Variants in FANCA observed in about 807,000 individuals in gnomAD.
FANCA encodes the protein Fanconi anemia group A protein.
FANCA carries 236 observed loss-of-function variants against 194.3 expected under a neutral mutation model. The observed-to-expected ratio is 1.21, with a 90% CI of 1.09 to 1.35. The LOEUF (loss-of-function observed/expected upper bound fraction) is 1.35. Ranked by LOEUF, FANCA falls within the 40% of genes most tolerant of loss-of-function variation. The pLI is 0.00. For missense variants in FANCA, 2,628 were observed against 1,813.9 expected (o/e 1.45, Z -8.15); for synonymous variants, 1,014 against 715.8 (o/e 1.42, Z -6.65).
At chr16:89,782,616 G>A (rs992583141) in intron 17 of FANCA, among the ~76,000 whole-genome samples, 6 of 152,150 alleles carry the variant, frequency 3.9e-5, no homozygotes, top group Admixed American at 2.6e-4. Context: ...AAGGACAAAT[G>A]TCCTGCAGCC....
chr16:89,812,655 A>AAAC (rs751030971), intron 3 of FANCA, among the ~76,000 whole-genome samples: 39,853 of 125,180 alleles, frequency 0.32, 6,692 homozygotes, highest in East Asian at 0.65. Flanking sequence ...TCAAAAAAAA[A>AAAC]AAAAAAAAAA....
chr16:89,770,314 T>C (rs1040737674), intron 24 of FANCA, 55 bp from the exon 25 acceptor site: 19 of 1,429,800 alleles, frequency 1.3e-5, no homozygotes, highest in South Asian at 4.9e-5. Context: ...TGCACATCCC[T>C]CCAACAGCTA....
intron 22 of FANCA, among the ~76,000 whole-genome samples, chr16:89,772,025 A>ACG (rs1186346311): frequency 6.6e-6 from 1 of 152,126 alleles, no homozygotes; most frequent in Non-Finnish European, 1.5e-5. Flanking sequence ...ATGGGGCCAG[A>ACG]CGCCATCCAC....
At chr16:89,774,958 G>C (rs2039451483) in intron 21 of FANCA, among the ~76,000 whole-genome samples, 1 of 151,888 alleles carries the variant, frequency 6.6e-6, no homozygotes, top group Non-Finnish European at 1.5e-5. Flanking sequence ...GCAAGGCGTA[G>C]TAGTGCGTGC....
At chr16:89,795,319 T>TA (rs1555564111) in intron 11 of FANCA, among the ~76,000 whole-genome samples, 1 of 149,568 alleles carries the variant, frequency 6.7e-6, no homozygotes, top group Non-Finnish European at 1.5e-5. Context: ...AATAAATAAA[T>TA]AAATAAAATA....
chr16:89,789,869 T>A (rs1405279423), intron 14 of FANCA, among the ~76,000 whole-genome samples: 3 of 151,488 alleles, frequency 2.0e-5, no homozygotes, highest in African/African-American at 7.3e-5. Context: ...GAACTGGGGG[T>A]TTTCACAGGG....
In FANCA at chr16:89,770,103, G is replaced by A. The variant is rs763086114; in HGVS notation, c.2316+63C>T. The A allele has an allele frequency of 5.7e-5, 89 of 1,574,140 alleles. No individual in the cohort carries two copies. In the African/African-American group the frequency reaches 1.0e-3, roughly 18 times the overall value. On this transcript the variant is annotated intron_variant, in intron 25 of 42. Coordinates refer to ENST00000389301, the MANE Select transcript of FANCA (RefSeq NM_000135.4). ...TTCCAGGGCACTGAAGACGAATTGA[G>A]AAGTAGCAGCCTGGCCCTCAGAGTG...
intron 35 of FANCA, among the ~76,000 whole-genome samples, chr16:89,745,913 T>C (rs1013263412): frequency 6.6e-6 from 1 of 152,220 alleles, no homozygotes; most frequent in South Asian, 2.1e-4. Flanking sequence ...TTCTCACGAA[T>C]TCCACCAACT....
Position 89,792,493 on chromosome 16 carries a change from A to T in FANCA, c.1061T>A (p.Leu354Gln). 1.2e-6 allele frequency: 2 copies of T among 1,613,490 alleles called. No individual in the cohort carries two copies. Among genetic ancestry groups the T allele is most frequent in the Admixed American group, 3.3e-5 (2 of 60,014 alleles). ...REWSFARTHPLLTSLYRRLFV... is the reference protein window; with the variant it reads ...REWSFARTHPQLTSLYRRLFV... Reference sequence around the variant, plus strand: ...CACCCTGCGGTACAGTGAGGTGAGCAGAGGGTGTGTCCGCGCAAAGCTCCA... The same window carrying T: ...CACCCTGCGGTACAGTGAGGTGAGCTGAGGGTGTGTCCGCGCAAAGCTCCA... The change falls in exon 12 of 43, where the codon CTG (leucine) becomes CAG (glutamine). Residue 354 changes from leucine (L) to glutamine (Q), a missense_variant. Physicochemically the swap from Leu to Gln is moderately radical, Grantham distance 113. Transcript: ENST00000389301.
chr16:89,796,424 C>T (rs1419886452), intron 10 of FANCA, among the ~76,000 whole-genome samples: 1 of 152,140 alleles, frequency 6.6e-6, no homozygotes, highest in East Asian at 1.9e-4. Context: ...TCGTGCCAAG[C>T]CTGAGAGAAG....
At chr16:89,794,318 G>A (rs1268000017) in intron 11 of FANCA, among the ~76,000 whole-genome samples, 7 of 152,086 alleles carry the variant, frequency 4.6e-5, no homozygotes, top group African/African-American at 1.2e-4. Context: ...TTGGGAGGCC[G>A]AAGTGGGTGG....
chr16:89,808,368 C>T lies in FANCA; in HGVS notation c.523-1G>A. On this transcript the variant is annotated splice_acceptor_variant, in intron 5 of 42. Transcript: ENST00000389301. LOFTEE classifies it high-confidence loss of function. ...ACACCGCTTCAAGCAACAAAGAACT[C>T]TGAAAAACAAAACAAAACAAACAAA... 6.2e-7 allele frequency: 1 copy of T among 1,614,058 alleles called. No homozygotes were observed.
intron 26 of FANCA, 92 bp from the exon 27 acceptor site, chr16:89,767,329 G>T: frequency 1.1e-6 from 1 of 920,330 alleles, no homozygotes; most frequent in Non-Finnish European, 1.7e-6. Context: ...ACTGAATTTA[G>T]TGCATTCCGA....
intron 37 of FANCA, among the ~76,000 whole-genome samples, chr16:89,741,777 C>G (rs1250617793): frequency 1.3e-5 from 2 of 152,178 alleles, no homozygotes; most frequent in Non-Finnish European, 2.9e-5. Context: ...TGAGCTGTCT[C>G]ACTGCAAGCT....
chr16:89,764,004 G>T (rs2039041892), intron 28 of FANCA, among the ~76,000 whole-genome samples: 1 of 152,076 alleles, frequency 6.6e-6, no homozygotes. Context: ...CATTTTGGGA[G>T]GCCAAGGCGT....
chr16:89,758,547 G>A, intron 30 of FANCA, 30 bp downstream of exon 30: 3 of 1,611,016 alleles, frequency 1.9e-6, no homozygotes, highest in East Asian at 2.2e-5. Flanking sequence ...TGTCCCTCCA[G>A]AGAACCCTAA....
intron 6 of FANCA, among the ~76,000 whole-genome samples, chr16:89,807,608 G>A (rs575156402): frequency 6.6e-6 from 1 of 152,200 alleles, no homozygotes; most frequent in South Asian, 2.1e-4. Flanking sequence ...AAAATTGCCA[G>A]GCACAGTGGT....
At chr16:89,742,730 C>T (rs1000338931) in intron 37 of FANCA, 70 bp downstream of exon 37, 1 of 1,559,524 alleles carries the variant, frequency 6.4e-7, no homozygotes, top group African/African-American at 1.4e-5. Context: ...TCAGACAAGC[C>T]CAGAGAAATA....
chr16:89,803,461 C>T (rs2040528282), intron 7 of FANCA, 120 bp from the exon 8 acceptor site: 4 of 875,954 alleles, frequency 4.6e-6, no homozygotes, highest in East Asian at 2.4e-5. Context: ...CACCAGGACC[C>T]CTGTGAGCTG....
Sources: gnomAD v4.1 joint callset for allele counts (sites outside exome capture counted in the v4.1 genomes callset) on GRCh38, gnomAD v4.1.1 for gene constraint, MANE v1.5 for transcripts, NCBI Gene and HGNC (gene_info 2026-07-23, HGNC 2026-07-21) for gene names.